Variants in ATP8A2 observed in about 807,000 individuals in gnomAD.
The protein encoded by ATP8A2 is phospholipid-transporting ATPase IB.
In ATP8A2, 100 loss-of-function variants were observed where a neutral mutation model predicts 165.6. That is an observed-to-expected ratio of 0.60 (90% CI 0.51 to 0.71). The LOEUF is 0.71. Among genes scored for constraint, ATP8A2 ranks in the 30% least tolerant of loss-of-function variants. The pLI, the probability that ATP8A2 is intolerant of heterozygous loss-of-function variation, is 0.00. For synonymous variants in ATP8A2, 543 were observed against 548.8 expected, an observed-to-expected ratio of 0.99 and a Z score of 0.15; for missense variants, 1,227 against 1,479.5, an observed-to-expected ratio of 0.83 and a Z score of 2.80.
chr13:25,918,245 T>C (rs1224103971), intron 33 of ATP8A2, among the ~76,000 whole-genome samples: 3 of 152,194 alleles, frequency 2.0e-5, no homozygotes, highest in South Asian at 2.1e-4. Context: ...ATGCTCAAGG[T>C]TCCTGGGTGA....
chr13:25,882,935 ATGATGGTGATGG>A (rs1183349584), intron 33 of ATP8A2, among the ~76,000 whole-genome samples: 2 of 145,652 alleles, frequency 1.4e-5, no homozygotes, highest in Non-Finnish European at 3.0e-5. Context: ...GATGATGATG[ATGATGGTGATGG>A]TGATGATGGT....
At chr13:25,942,254 G>A (rs1955090867) in intron 33 of ATP8A2, among the ~76,000 whole-genome samples, 1 of 151,972 alleles carries the variant, frequency 6.6e-6, no homozygotes, top group Non-Finnish European at 1.5e-5. Context: ...AAATGCCATA[G>A]TGAACACTCC....
chr13:25,954,031 G>A lies in ATP8A2; in HGVS notation c.3184-7544G>A, dbSNP rs536748614. ...AACCGTTCACTTCCCTGGAAAGGGG[G>A]CTGAAGCCAGGGAGCCAAGTAGTCT... On this transcript the variant is annotated intron_variant, in intron 33 of 36. Transcript: ENST00000381655. 1.6e-3 allele frequency among the ~76,000 whole-genome samples: 238 copies of A among 152,262 alleles called. 1 individual carries two copies. The highest frequency in any genetic ancestry group is 5.2e-3 in the African/African-American group (217 of 41,552).
chr13:25,797,233 A>G (rs956952847), intron 27 of ATP8A2, among the ~76,000 whole-genome samples: 1 of 152,160 alleles, frequency 6.6e-6, no homozygotes, highest in Non-Finnish European at 1.5e-5. Context: ...GCACCATTGC[A>G]CTCCAGCCCG....
chr13:25,387,974 A>T (rs1056182903), intron 1 of ATP8A2, among the ~76,000 whole-genome samples: 1 of 151,996 alleles, frequency 6.6e-6, no homozygotes, highest in Non-Finnish European at 1.5e-5. Context: ...GAGGCAGGAG[A>T]TTCACTTGAG....
chr13:25,419,063 G>A (rs984629132), intron 1 of ATP8A2, among the ~76,000 whole-genome samples: 5 of 152,130 alleles, frequency 3.3e-5, no homozygotes, highest in African/African-American at 9.7e-5. Context: ...GTGTGCATAT[G>A]TGTGTGTGTC....
At chr13:25,881,724 G>T (rs1952985220) in intron 33 of ATP8A2, among the ~76,000 whole-genome samples, 1 of 152,172 alleles carries the variant, frequency 6.6e-6, no homozygotes. Flanking sequence ...TCTATTCACT[G>T]CAGGTGTTTC....
At chr13:25,807,518 T>C (rs916128865) in intron 27 of ATP8A2, among the ~76,000 whole-genome samples, 1 of 152,210 alleles carries the variant, frequency 6.6e-6, no homozygotes, top group Non-Finnish European at 1.5e-5. Context: ...ATTCCTGGAC[T>C]CTCAGTTCTA....
intron 6 of ATP8A2, among the ~76,000 whole-genome samples, chr13:25,535,781 C>A (rs1187777436): frequency 1.3e-5 from 2 of 151,974 alleles, no homozygotes; most frequent in African/African-American, 4.8e-5. Flanking sequence ...CACCACTGCA[C>A]TCTAGCCTGG....
chr13:25,941,648 A>G (rs1955075599), intron 33 of ATP8A2, among the ~76,000 whole-genome samples: 1 of 152,064 alleles, frequency 6.6e-6, no homozygotes, highest in African/African-American at 2.4e-5. Flanking sequence ...TGTTCCCCAT[A>G]TAGTCCTGGC....
At chr13:25,527,883 C>A in intron 2 of ATP8A2, among the ~76,000 whole-genome samples, 1 of 152,272 alleles carries the variant, frequency 6.6e-6, no homozygotes, top group Admixed American at 6.5e-5. Context: ...CAGATGGAAT[C>A]TCAGGTTCAA....
intron 1 of ATP8A2, among the ~76,000 whole-genome samples, chr13:25,374,758 A>G (rs1368956686): frequency 6.6e-6 from 1 of 152,042 alleles, no homozygotes; most frequent in Admixed American, 6.6e-5. Context: ...AAGAAAGAGG[A>G]TCTGCATAGT....
At chr13:25,671,561 T>G (rs910064607) in intron 24 of ATP8A2, among the ~76,000 whole-genome samples, 1 of 152,124 alleles carries the variant, frequency 6.6e-6, no homozygotes, top group Non-Finnish European at 1.5e-5. Flanking sequence ...CTGGCCCCCC[T>G]GGGTGTGGTC....
At chr13:25,826,031 C>T (rs1189732069) in intron 27 of ATP8A2, among the ~76,000 whole-genome samples, 1 of 152,072 alleles carries the variant, frequency 6.6e-6, no homozygotes, top group Non-Finnish European at 1.5e-5. Flanking sequence ...ATCCATTGTG[C>T]AGTGTGGTGA....
chr13:25,888,750 T>G (rs532129148), intron 33 of ATP8A2, among the ~76,000 whole-genome samples: 1 of 152,150 alleles, frequency 6.6e-6, no homozygotes, highest in Admixed American at 6.5e-5. Flanking sequence ...TTCCAGCTAC[T>G]TGGGAGGCTG....
In ATP8A2 at chr13:25,482,873, C is replaced by A. The variant is rs564443695; in HGVS notation, c.221+13752C>A. On this transcript the variant is annotated intron_variant, in intron 2 of 36. Transcript: ENST00000381655. Reference sequence around the variant, plus strand: ...CACCATGATTGTGAGGCTTCCCCAGCCATGTGGAACTGTAATTCCAATTAA... The same window carrying A: ...CACCATGATTGTGAGGCTTCCCCAGACATGTGGAACTGTAATTCCAATTAA... Among the ~76,000 whole-genome samples, 13 of 152,344 alleles carry A rather than the reference C, an allele frequency of 8.5e-5. No homozygotes were observed. In the East Asian group the frequency reaches 2.5e-3, roughly 29 times the overall value.
chr13:25,535,854 A>G (rs1284774254), intron 6 of ATP8A2, among the ~76,000 whole-genome samples: 10 of 152,086 alleles, frequency 6.6e-5, no homozygotes, highest in Non-Finnish European at 1.5e-4. Flanking sequence ...ATTTTTTTTC[A>G]AGCAAAATCC....
chr13:25,777,221 G>C (rs2044762677), intron 27 of ATP8A2, among the ~76,000 whole-genome samples: 1 of 151,934 alleles, frequency 6.6e-6, no homozygotes, highest in Admixed American at 6.6e-5. Context: ...TATTTCTCGG[G>C]GATATTAATT....
chr13:25,986,394 C>G (rs1469266822), intron 35 of ATP8A2, among the ~76,000 whole-genome samples: 1 of 152,210 alleles, frequency 6.6e-6, no homozygotes, highest in Non-Finnish European at 1.5e-5. Flanking sequence ...GGGTAACCAC[C>G]CTTCTTCTCT....
Sources: allele counts gnomAD v4.1 joint callset (sites outside exome capture counted in the v4.1 genomes callset), GRCh38; gene constraint gnomAD v4.1.1; transcripts MANE v1.5; gene names NCBI Gene and HGNC (gene_info 2026-07-23, HGNC 2026-07-21).